The following DGKI variants were observed in gnomAD, a reference collection of about 807,000 sequenced individuals.
DGKI encodes diacylglycerol kinase iota.
DGKI carries 55 observed loss-of-function variants against 147.5 expected under a neutral mutation model. The observed-to-expected ratio is 0.37, with a 90% CI of 0.30 to 0.47. DGKI has a LOEUF of 0.47. DGKI is among the 20% of genes least tolerant of loss of function. The pLI, the probability that DGKI is intolerant of heterozygous loss-of-function variation, is 1.00. For missense variants in DGKI, 1,007 were observed against 1,323.8 expected (o/e 0.76, Z 3.71); for synonymous variants, 469 against 477.1 (o/e 0.98, Z 0.22).
At chr7:137,792,678 G>T (rs1796891843) in intron 1 of DGKI, among the ~76,000 whole-genome samples, 1 of 152,190 alleles carries the variant, frequency 6.6e-6, no homozygotes, top group South Asian at 2.1e-4. Flanking sequence ...CATGGTGCTG[G>T]ATCCCTCATG....
intron 7 of DGKI, among the ~76,000 whole-genome samples, chr7:137,622,700 A>G (rs1485896283): frequency 6.6e-6 from 1 of 152,232 alleles, no homozygotes; most frequent in African/African-American, 2.4e-5. Flanking sequence ...GACTTGGCCT[A>G]CGAGCTGTAG....
chr7:137,503,310 T>C (rs572890599), intron 21 of DGKI, among the ~76,000 whole-genome samples: 4 of 152,336 alleles, frequency 2.6e-5, no homozygotes, highest in Admixed American at 2.0e-4. Context: ...CAAGAGTACC[T>C]AGAATTTAAT....
At chr7:137,722,594 T>C (rs1402619503) in intron 1 of DGKI, 14 of 1,576,822 alleles carry the variant, frequency 8.9e-6, no homozygotes, top group Non-Finnish European at 1.0e-5. Flanking sequence ...AAAATCGATA[T>C]CAGCAATGTA....
chr7:137,456,388 A>G (rs1814207309), intron 27 of DGKI, among the ~76,000 whole-genome samples: 1 of 152,224 alleles, frequency 6.6e-6, no homozygotes, highest in South Asian at 2.1e-4. Flanking sequence ...ATATAAATAG[A>G]CACGTATTTA....
At position 137,523,115 on chromosome 7, in the gene DGKI, G is replaced by T. The variant is rs182914257; in HGVS notation, c.2148-1149C>A. Reference sequence around the variant, plus strand: ...AGAGGAAGGGAGAGAATGAGGGAGGGAAAGAAGGAAAACAGGAAAGATAAG... The same window carrying T: ...AGAGGAAGGGAGAGAATGAGGGAGGTAAAGAAGGAAAACAGGAAAGATAAG... On this transcript the variant is annotated intron_variant, in intron 20 of 32. Coordinates refer to ENST00000614521, the MANE Select transcript of DGKI (RefSeq NM_001321708.2). Among the ~76,000 whole-genome samples, 6 of 152,018 alleles carry T rather than the reference G, an allele frequency of 3.9e-5. No individual in the cohort carries two copies. In the East Asian group the frequency reaches 1.2e-3, roughly 29 times the overall value.
At chr7:137,786,183 T>C (rs1796664358) in intron 1 of DGKI, among the ~76,000 whole-genome samples, 1 of 152,140 alleles carries the variant, frequency 6.6e-6, no homozygotes. Flanking sequence ...AGTCAAACTG[T>C]TGCTGTGTGC....
rs114150498 is a variant in DGKI, at chr7:137,498,383, A to G, written c.2249-10694T>C. Among the ~76,000 whole-genome samples, 1,148 of 152,110 alleles carry G rather than the reference A, an allele frequency of 7.5e-3. 12 individuals are homozygous for G. Among genetic ancestry groups the G allele is most frequent in the African/African-American group, 0.026 (1,098 of 41,538 alleles). On this transcript the variant is annotated intron_variant, in intron 21 of 32. Coordinates refer to ENST00000614521, the MANE Select transcript of DGKI (RefSeq NM_001321708.2). ...ACAAAAGAAAATAGAGAATAAATAT[A>G]AAAAACAAAATGAAGAATATTTCCT...
At chr7:137,774,465 A>C (rs1246565338) in intron 1 of DGKI, 1 of 152,166 alleles carries the variant, frequency 6.6e-6, no homozygotes, top group African/African-American at 2.4e-5. Context: ...TTAAATGTCC[A>C]CCTTTACGTG....
chr7:137,488,208 T>C (rs1002158467), intron 21 of DGKI, among the ~76,000 whole-genome samples: 12 of 152,138 alleles, frequency 7.9e-5, no homozygotes, highest in Non-Finnish European at 1.6e-4. Flanking sequence ...AGACTTGAGC[T>C]ACTCAAGGCA....
chr7:137,424,719 G>A (rs1467943839), intron 28 of DGKI, among the ~76,000 whole-genome samples: 1 of 152,128 alleles, frequency 6.6e-6, no homozygotes, highest in Non-Finnish European at 1.5e-5. Flanking sequence ...TTAAAAAACG[G>A]CACACCAGGA....
At chr7:137,450,637 A>T (rs557375821) in intron 27 of DGKI, among the ~76,000 whole-genome samples, 1 of 152,256 alleles carries the variant, frequency 6.6e-6, no homozygotes, top group African/African-American at 2.4e-5. Context: ...CAGGAGAATC[A>T]GTTGAACCCA....
chr7:137,590,019 AAAAGAAAAAAAG>A (rs1349792981), intron 12 of DGKI, among the ~76,000 whole-genome samples: 2 of 152,086 alleles, frequency 1.3e-5, no homozygotes, highest in East Asian at 1.9e-4. Context: ...ACAATGATAG[AAAAGAAAAAAAG>A]AAAGAAAAAA....
chr7:137,552,277 C>A, intron 20 of DGKI, 92 bp downstream of exon 20: 1 of 1,414,878 alleles, frequency 7.1e-7, no homozygotes, highest in Non-Finnish European at 9.8e-7. Flanking sequence ...TTCCTCTTCC[C>A]AACACAGTGA....
chr7:137,576,528 AC>A (rs1315951632), intron 17 of DGKI, among the ~76,000 whole-genome samples: 12 of 152,156 alleles, frequency 7.9e-5, no homozygotes, highest in African/African-American at 2.9e-4. Context: ...CTATAAGGAA[AC>A]ATTAATGTTT....
intron 20 of DGKI, among the ~76,000 whole-genome samples, chr7:137,527,593 A>G (rs1005772058): frequency 1.3e-5 from 2 of 152,198 alleles, no homozygotes; most frequent in African/African-American, 4.8e-5. Flanking sequence ...TACCTTATAA[A>G]TATCCTGTTT....
At chr7:137,724,668 G>A (rs1794670703) in intron 1 of DGKI, among the ~76,000 whole-genome samples, 2 of 152,200 alleles carry the variant, frequency 1.3e-5, no homozygotes, top group South Asian at 4.1e-4. Context: ...CATTGACAGA[G>A]GACCAAGTGT....
At position 137,730,483 on chromosome 7, in the gene DGKI, T is replaced by C. The variant is rs532597668; in HGVS notation, c.402-40481A>G. On this transcript the variant is annotated intron_variant, in intron 1 of 32. Transcript: ENST00000614521. Reference sequence around the variant, plus strand: ...GTTCAGTTCCTTACTGGTTTATTCCTGGATCTTTGTAATGGCTTTCTAATT... The same window carrying C: ...GTTCAGTTCCTTACTGGTTTATTCCCGGATCTTTGTAATGGCTTTCTAATT... Among the ~76,000 whole-genome samples the C allele has an allele frequency of 2.0e-5, 3 of 152,232 alleles. No homozygotes were observed. The South Asian group carries it at 6.2e-4, about 32-fold the overall frequency.
At chr7:137,822,268 G>A (rs193276955) in intron 1 of DGKI, among the ~76,000 whole-genome samples, 213 of 152,186 alleles carry the variant, frequency 1.4e-3, no homozygotes, top group African/African-American at 4.7e-3. Flanking sequence ...TTAGTCAGGC[G>A]TGGTGGCACA....
chr7:137,609,146 C>CACCACCACTACCAT, intron 9 of DGKI, 82 bp from the exon 10 acceptor site: 1 of 1,036,750 alleles, frequency 9.6e-7, no homozygotes, highest in Admixed American at 1.9e-5. Context: ...GGAAAACCAC[C>CACCACCACTACCAT]CAATAATACA....
Sources: gnomAD v4.1 joint callset for allele counts (sites outside exome capture counted in the v4.1 genomes callset) on GRCh38, gnomAD v4.1.1 for gene constraint, MANE v1.5 for transcripts, NCBI Gene and HGNC (gene_info 2026-07-23, HGNC 2026-07-21) for gene names.